Variants in EPHA6 observed in about 807,000 individuals in gnomAD.
EPHA6 encodes EPH receptor A6.
In EPHA6, 50 loss-of-function variants were observed where a neutral mutation model predicts 112.0. The ratio of observed to expected loss-of-function variants is 0.45; its 90% confidence interval spans 0.36 to 0.56. The LOEUF is 0.56. Ranked by LOEUF, EPHA6 falls within the 20% of genes least tolerant of loss-of-function variation. The pLI is 0.00. For missense variants in EPHA6, 1,280 were observed against 1,417.4 expected (o/e 0.90, Z 1.56); for synonymous variants, 529 against 490.7 (o/e 1.08, Z -1.03).
intron 3 of EPHA6, among the ~76,000 whole-genome samples, chr3:97,127,366 A>G (rs1214717701): frequency 6.6e-6 from 1 of 152,120 alleles, no homozygotes; most frequent in Non-Finnish European, 1.5e-5. Flanking sequence ...TCAAGGGATG[A>G]TTAGGAAATT....
chr3:96,902,930 G>A (rs1265317005), intron 2 of EPHA6, among the ~76,000 whole-genome samples: 1 of 152,128 alleles, frequency 6.6e-6, no homozygotes, highest in Non-Finnish European at 1.5e-5. Flanking sequence ...ATAGACGAGA[G>A]AGAAGTCTGC....
At chr3:96,938,034 G>GGTAGTGTGATGC (rs1184498850) in intron 2 of EPHA6, among the ~76,000 whole-genome samples, 3 of 152,068 alleles carry the variant, frequency 2.0e-5, no homozygotes, top group Admixed American at 2.0e-4. Flanking sequence ...TTTGAAGTCA[G>GGTAGTGTGATGC]GTAGTGTGAT....
intron 5 of EPHA6, among the ~76,000 whole-genome samples, chr3:97,375,566 A>G (rs1470008765): frequency 6.6e-6 from 1 of 152,190 alleles, no homozygotes; most frequent in Non-Finnish European, 1.5e-5. Context: ...AGGAGACTTA[A>G]GAACATAGTT....
At chr3:97,402,308 C>A (rs2087041627) in intron 5 of EPHA6, among the ~76,000 whole-genome samples, 1 of 151,984 alleles carries the variant, frequency 6.6e-6, no homozygotes, top group Non-Finnish European at 1.5e-5. Context: ...CTAATATTTG[C>A]TTTATATATC....
chr3:97,076,732 C>T (rs921093456), intron 3 of EPHA6, among the ~76,000 whole-genome samples: 8 of 152,106 alleles, frequency 5.3e-5, no homozygotes, highest in Non-Finnish European at 7.3e-5. Context: ...ACTGCTGTTA[C>T]GGGCTAATGC....
At chr3:97,251,862 GCT>G (rs2079152195) in intron 5 of EPHA6, among the ~76,000 whole-genome samples, 1 of 152,126 alleles carries the variant, frequency 6.6e-6, no homozygotes, top group Non-Finnish European at 1.5e-5. Flanking sequence ...AAAATACAGT[GCT>G]CTTTCTTTCA....
intron 14 of EPHA6, among the ~76,000 whole-genome samples, chr3:97,639,640 G>A (rs541949318): frequency 5.3e-4 from 80 of 152,180 alleles, no homozygotes; most frequent in Non-Finnish European, 9.4e-4. Flanking sequence ...AAAATGGTAA[G>A]CTTATAACTA....
chr3:97,355,730 C>T (rs1016266605), intron 5 of EPHA6, among the ~76,000 whole-genome samples: 5 of 151,974 alleles, frequency 3.3e-5, no homozygotes, highest in African/African-American at 7.2e-5. Flanking sequence ...TCAGAAGACA[C>T]GGATTGGCTG....
chr3:97,544,952 C>T (rs949055573), intron 11 of EPHA6, among the ~76,000 whole-genome samples: 3 of 152,252 alleles, frequency 2.0e-5, no homozygotes, highest in Admixed American at 1.3e-4. Context: ...ATTCTTCTCT[C>T]TTTTCTTCTT....
At chr3:97,218,100 C>T (rs79903679) in intron 3 of EPHA6, among the ~76,000 whole-genome samples, 1 of 151,924 alleles carries the variant, frequency 6.6e-6, no homozygotes, top group African/African-American at 2.4e-5. Flanking sequence ...GGCAAAACCC[C>T]CTCTCTACAA....
At chr3:97,703,918 A>G (rs1057202346) in intron 14 of EPHA6, among the ~76,000 whole-genome samples, 1 of 152,178 alleles carries the variant, frequency 6.6e-6, no homozygotes, top group African/African-American at 2.4e-5. Flanking sequence ...CATTCCCAGT[A>G]CATATATATA....
chr3:97,260,414 G>A (rs2079463536), intron 5 of EPHA6, among the ~76,000 whole-genome samples: 1 of 152,162 alleles, frequency 6.6e-6, no homozygotes, highest in South Asian at 2.1e-4. Context: ...GAAAGTTATA[G>A]AATCATGCTC....
intron 5 of EPHA6, among the ~76,000 whole-genome samples, chr3:97,269,980 G>T (rs1328873977): frequency 6.6e-6 from 1 of 152,030 alleles, no homozygotes; most frequent in Non-Finnish European, 1.5e-5. Flanking sequence ...AATTATTTTT[G>T]TAATTTTCTT....
chr3:97,503,355 T>C (rs934960271), intron 10 of EPHA6, among the ~76,000 whole-genome samples: 3 of 152,176 alleles, frequency 2.0e-5, no homozygotes, highest in Admixed American at 6.6e-5. Context: ...ATTAAAATTT[T>C]GCTCCCTAGG....
intron 9 of EPHA6, chr3:97,481,212 C>T: frequency 3.2e-6 from 4 of 1,251,392 alleles, no homozygotes; most frequent in South Asian, 2.4e-5. Context: ...GAAAAGACAA[C>T]CTTTTTCTCC....
Position 96,986,496 on chromosome 3 carries a change from T to G in EPHA6, c.451-834T>G, listed in dbSNP as rs78252908. On this transcript the variant is annotated intron_variant, in intron 2 of 17. Coordinates refer to ENST00000389672, the MANE Select transcript of EPHA6 (RefSeq NM_001080448.3). Reference sequence around the variant, plus strand: ...GTTATTTGTATTTACTGCTTCCTCTTTGCAAGTTTCACTATCTCATCTCTA... The same window carrying G: ...GTTATTTGTATTTACTGCTTCCTCTGTGCAAGTTTCACTATCTCATCTCTA... Among the ~76,000 whole-genome samples the G allele has an allele frequency of 9.9e-4, 150 of 152,228 alleles. 3 individuals carry two copies. The highest frequency in any genetic ancestry group is 8.5e-3 in the East Asian group (44 of 5,168).
Position 97,532,519 on chromosome 3 carries a change from CG to C in EPHA6, c.2363del (p.Arg788ProfsTer2). 6.2e-7 allele frequency: 1 copy of C among 1,607,848 alleles called. No homozygotes were observed. Among genetic ancestry groups the C allele is most frequent in the Non-Finnish European group, 8.5e-7 (1 of 1,177,204 alleles). On this transcript the variant is annotated frameshift_variant, in exon 11 of 18. Transcript: ENST00000389672. LOFTEE classifies it high-confidence loss of function. ...MGQFDHPNII[R>X]LEGVVTKRSF... is the part of the protein sequence containing the mutation. ...CCAGTTTGACCATCCAAACATCATTCGCCTAGAAGGGGTTGTCACCAAAAGT... is the reference window on the plus strand; with the variant it reads ...CCAGTTTGACCATCCAAACATCATTCCCTAGAAGGGGTTGTCACCAAAAGT...
chr3:97,169,221 G>T (rs1270088447), intron 3 of EPHA6, among the ~76,000 whole-genome samples: 3 of 152,154 alleles, frequency 2.0e-5, no homozygotes, highest in African/African-American at 7.2e-5. Flanking sequence ...TTAGTGTTTA[G>T]TTGGATTAAA....
chr3:97,318,571 T>C (rs1272271783), intron 5 of EPHA6, among the ~76,000 whole-genome samples: 1 of 152,048 alleles, frequency 6.6e-6, no homozygotes, highest in East Asian at 1.9e-4. Context: ...TAATTTAATA[T>C]ATATTTTTCA....
Sources: gnomAD v4.1 joint callset for allele counts (sites outside exome capture counted in the v4.1 genomes callset) on GRCh38, gnomAD v4.1.1 for gene constraint, MANE v1.5 for transcripts, NCBI Gene and HGNC (gene_info 2026-07-23, HGNC 2026-07-21) for gene names.